The following RNF41 variants were observed in gnomAD, a reference collection of about 807,000 sequenced individuals.
RNF41 encodes the protein E3 ubiquitin-protein ligase NRDP1.
A neutral mutation model predicts 33.0 loss-of-function variants in RNF41; 4 were observed. The observed-to-expected ratio is 0.12, with a 90% CI of 0.06 to 0.28. The LOEUF is 0.28. RNF41 is among the 10% of genes least tolerant of loss of function. RNF41 has a pLI of 1.00. For synonymous variants in RNF41, 164 were observed against 153.2 expected (o/e 1.07, Z -0.52); for missense variants, 228 against 432.6 (o/e 0.53, Z 4.19).
intron 1 of RNF41, among the ~76,000 whole-genome samples, chr12:56,219,164 C>A (rs1469107428): frequency 2.6e-5 from 4 of 151,340 alleles, no homozygotes; most frequent in Non-Finnish European, 5.9e-5. Context: ...TGTCACCATG[C>A]CAGGCTAATT....
At chr12:56,210,265 A>T (rs1478764219) in intron 4 of RNF41, 32 bp downstream of exon 4, 3 of 1,601,484 alleles carry the variant, frequency 1.9e-6, no homozygotes, top group Admixed American at 3.3e-5. Context: ...GATGGCCCTT[A>T]TCCATGTGGG....
At chr12:56,217,275 G>A (rs73340395) in intron 1 of RNF41, among the ~76,000 whole-genome samples, 5,357 of 151,970 alleles carry the variant, frequency 0.035, 133 homozygotes, top group African/African-American at 0.076. Flanking sequence ...TCCAGGTTGC[G>A]ATGGCTCACG....
Position 56,205,651 on chromosome 12 carries a change from AC to A in RNF41, c.*795del, listed in dbSNP as rs1868254681. The A allele has an allele frequency of 6.6e-6, 1 of 152,562 alleles. No homozygotes were observed. Among genetic ancestry groups the A allele is most frequent in the African/African-American group, 2.4e-5 (1 of 41,394 alleles). 9.5% of individuals were successfully genotyped at this position (152,562 alleles called of 1,614,324 possible). ...ATTATCAAAGTAACTAACTACAGTC[AC>A]AGGGCTAGAGAGGGGTCTATGGAAC... On this transcript the variant is annotated 3_prime_UTR_variant, in exon 7 of 7. Coordinates refer to ENST00000345093, the MANE Select transcript of RNF41 (RefSeq NM_005785.4).
At chr12:56,217,451 G>A (rs1465010091) in intron 1 of RNF41, among the ~76,000 whole-genome samples, 1 of 151,950 alleles carries the variant, frequency 6.6e-6, no homozygotes, top group Non-Finnish European at 1.5e-5. Context: ...GGAGGCTGAG[G>A]CAGGGAGAAT....
At chr12:56,220,477 A>G (rs1400301560) in intron 1 of RNF41, among the ~76,000 whole-genome samples, 1 of 150,386 alleles carries the variant, frequency 6.6e-6, no homozygotes, top group Non-Finnish European at 1.5e-5. Context: ...TCGTCCTCCC[A>G]AAGTGCTAGG....
rs1383191405 is a variant in RNF41 at position 56,207,505 on chromosome 12, T to C, written c.602+141A>G. The C allele has an allele frequency of 1.2e-5, 9 of 780,016 alleles. No individual in the cohort carries two copies. The East Asian group carries it at 2.3e-4, about 20-fold the overall frequency. The allele number at this position is 780,016 out of a possible 1,614,324, so 48.3% of individuals were successfully genotyped here. A position where few individuals can be genotyped will look rare whatever the true frequency, so the allele number is the denominator to read the frequency against. ...GGGTTATCCTCTTCTCCTCTGCCCC[T>C]GTCCTTAATGCCAATATCTGAGAAG... On this transcript the variant is annotated intron_variant, in intron 6 of 6. Coordinates refer to ENST00000345093, the MANE Select transcript of RNF41 (RefSeq NM_005785.4).
At chr12:56,215,717 CAAAAAAAAAA>C (rs58103466) in intron 2 of RNF41, among the ~76,000 whole-genome samples, 1 of 74,526 alleles carries the variant, frequency 1.3e-5, no homozygotes, top group Non-Finnish European at 2.7e-5. Context: ...GACTCTGTCT[CAAAAAAAAAA>C]AAAAAAAAAA....
At chr12:56,215,319 T>A (rs1868792689) in intron 2 of RNF41, among the ~76,000 whole-genome samples, 1 of 152,170 alleles carries the variant, frequency 6.6e-6, no homozygotes. Context: ...AGTTCCATTT[T>A]AGAATCAGTA....
At chr12:56,213,195 ATTTG>A (rs1868612556) in intron 3 of RNF41, 4 of 1,119,142 alleles carry the variant, frequency 3.6e-6, no homozygotes, top group Admixed American at 6.7e-5. Context: ...CCCACTTCCT[ATTTG>A]TTTTTGTTTT....
rs745935247 is a variant in RNF41 at position 56,206,540 on chromosome 12, G to A, written c.861C>T (p.Val287=). 6.2e-6 allele frequency: 10 copies of A among 1,614,048 alleles called. No individual in the cohort carries two copies. The highest frequency in any genetic ancestry group is 4.5e-5 in the East Asian group (2 of 44,894). Reference sequence around the variant, plus strand: ...TGTGCTGGTTCTCACAGGCCATCACGACAACAGCCTGCTTGCCAGGGATGC... The same window carrying A: ...TGTGCTGGTTCTCACAGGCCATCACAACAACAGCCTGCTTGCCAGGGATGC... ...AKRIPGKQAV[V]VMACENQHMG... is the part of the protein sequence containing the mutation. The change falls in exon 7 of 7, where the codon GTC becomes GTT. Residue 287 remains valine, a synonymous_variant. Coordinates refer to ENST00000345093, the MANE Select transcript of RNF41 (RefSeq NM_005785.4). The surrounding 1 kb of genome is among the most constrained non-coding windows in gnomAD (Gnocchi z 5.7).
intron 3 of RNF41, among the ~76,000 whole-genome samples, chr12:56,212,748 T>C (rs1398062464): frequency 2.0e-5 from 3 of 151,980 alleles, no homozygotes; most frequent in Non-Finnish European, 1.5e-5. Context: ...AGTACTCCTT[T>C]TGGAGTAGTA....
chr12:56,219,673 A>ACACACACACACG lies in RNF41; in HGVS notation c.-209+2086_-209+2087insCGTGTGTGTGTG, dbSNP rs1256122421. Among the ~76,000 whole-genome samples the ACACACACACACG allele has an allele frequency of 1.4e-3, 209 of 151,416 alleles. 1 individual carries two copies. Among genetic ancestry groups the ACACACACACACG allele is most frequent in the African/African-American group, 4.7e-3 (194 of 41,306 alleles). ...TGTGTGTGTATATATGTGTATATAC[A>ACACACACACACG]CGCGCGCACCCCTTATACATACTGT... is the stretch of plus-strand genomic sequence containing the variant. On this transcript the variant is annotated intron_variant, in intron 1 of 6. Transcript: ENST00000345093.
rs184150135 is a variant in RNF41, at chr12:56,217,285, G to A, written c.-208-672C>T. 1.3e-3 allele frequency among the ~76,000 whole-genome samples: 205 copies of A among 152,064 alleles called. 2 individuals are homozygous for A. The highest frequency in any genetic ancestry group is 4.7e-3 in the African/African-American group (195 of 41,472). On this transcript the variant is annotated intron_variant, in intron 1 of 6. Coordinates refer to ENST00000345093, the MANE Select transcript of RNF41 (RefSeq NM_005785.4). ...ATAGATCCAGGTTGCGATGGCTCAC[G>A]CCTGTGATCCCAGCACTTTGGGAGG...
chr12:56,208,403 C>G (rs1020330262), intron 4 of RNF41, 105 bp from the exon 5 acceptor site: 1 of 1,249,808 alleles, frequency 8.0e-7, no homozygotes, highest in Non-Finnish European at 1.1e-6. Flanking sequence ...TTTGTCCTAC[C>G]CAAAATTTCT....
chr12:56,211,574 C>T (rs73127340), intron 3 of RNF41, among the ~76,000 whole-genome samples: 1,832 of 152,074 alleles, frequency 0.012, 21 homozygotes, highest in Middle Eastern at 0.02. Flanking sequence ...AGCTCAATCA[C>T]GGCAGGTATT....
chr12:56,218,876 G>C (rs1869118248), intron 1 of RNF41, among the ~76,000 whole-genome samples: 2 of 149,910 alleles, frequency 1.3e-5, no homozygotes, highest in East Asian at 4.0e-4. Flanking sequence ...GCTAATTTTT[G>C]TATTTTTAGT....
In RNF41 at chr12:56,208,184, G is replaced by C. The variant is rs1181170091; in HGVS notation, c.477C>G (p.His159Gln). ...CTACCTGCTCCGCCAGCTGGTGTTT[G>C]TGTTCAGCTGACGTCTTCTCCAGCT... ...IAELEKTSAEHKHQLAEQKRD... is the reference protein window; with the variant it reads ...IAELEKTSAEQKHQLAEQKRD... The change falls in exon 5 of 7, where the codon CAC becomes CAG. Residue 159 changes from histidine to glutamine, a missense_variant. This residue lies in a region of RNF41 where 199 missense variants were observed against 334.6 expected (regional missense o/e 0.59). Transcript: ENST00000345093. 6.2e-7 allele frequency: 1 copy of C among 1,614,206 alleles called. No homozygotes were observed. The highest frequency in any genetic ancestry group is 8.5e-7 in the Non-Finnish European group (1 of 1,180,038).
At chr12:56,212,886 G>A (rs1447633575) in intron 3 of RNF41, 4 of 806,856 alleles carry the variant, frequency 5.0e-6, no homozygotes, top group Non-Finnish European at 3.6e-6. Flanking sequence ...TAGATAGCCA[G>A]GAAAGAGAAA....
At chr12:56,216,901 G>A (rs1868932438) in intron 1 of RNF41, among the ~76,000 whole-genome samples, 1 of 152,200 alleles carries the variant, frequency 6.6e-6, no homozygotes, top group South Asian at 2.1e-4. Context: ...AGCTCTTAGG[G>A]AGGCCAAGGC....
Sources: allele counts gnomAD v4.1 joint callset (sites outside exome capture counted in the v4.1 genomes callset), GRCh38; gene constraint gnomAD v4.1.1; regional missense constraint gnomAD v4.1.1; non-coding constraint Gnocchi (gnomAD v3.1); transcripts MANE v1.5; gene names NCBI Gene and HGNC (gene_info 2026-07-23, HGNC 2026-07-21).